AGMO: variants seen among roughly 807,000 people sequenced by gnomAD.
AGMO encodes glyceryl-ether monooxygenase.
AGMO carries 75 observed loss-of-function variants against 60.2 expected under a neutral mutation model. The ratio of observed to expected loss-of-function variants is 1.25; its 90% CI spans 1.03 to 1.51. The LOEUF (loss-of-function observed/expected upper bound fraction) is 1.51, where lower values mean the gene tolerates loss of function less well. AGMO is among the 40% of genes most tolerant of loss of function. The probability of loss-of-function intolerance (pLI) is 0.00; values close to 1 mark genes in which losing one functional copy is unlikely to be tolerated. For missense variants in AGMO, 763 were observed against 525.5 expected (o/e 1.45, Z -4.42); for synonymous variants, 261 against 177.1 (o/e 1.47, Z -3.76).
At chr7:15,216,567 G>A (rs992336173) in intron 12 of AGMO, among the ~76,000 whole-genome samples, 5 of 151,854 alleles carry the variant, frequency 3.3e-5, no homozygotes, top group Non-Finnish European at 5.9e-5. Context: ...TAGTAGTAAT[G>A]AAAAGATTAA....
intron 8 of AGMO, 83 bp from the exon 9 acceptor site, chr7:15,387,623 T>C (rs773575875): frequency 2.3e-6 from 3 of 1,277,020 alleles, no homozygotes; most frequent in Non-Finnish European, 3.2e-6. Context: ...ATTATTTTAT[T>C]GTTCAAGGTA....
chr7:15,265,232 T>C lies in AGMO; in HGVS notation c.1264-63873A>G, dbSNP rs190410852. 5.5e-3 allele frequency among the ~76,000 whole-genome samples: 834 copies of C among 152,086 alleles called. 4 individuals carry two copies. Among genetic ancestry groups the C allele is most frequent in the African/African-American group, 0.019 (777 of 41,482 alleles). ...TCACTTACAAGTGGGAGCTAAACAT[T>C]GAATACACATGAACATAAAGATGGA... On this transcript the variant is annotated intron_variant, in intron 12 of 12. Transcript: ENST00000342526.
rs148583725 is a variant in AGMO, at chr7:15,414,406, A to G, written c.609+4152T>C. On this transcript the variant is annotated intron_variant, in intron 5 of 12. Transcript: ENST00000342526. ...TTACTATAAAAGTCTTACATTTATG[A>G]TAAGTATTATATTAATTCAAGGTAA... Among the ~76,000 whole-genome samples, 540 of 152,218 alleles carry G rather than the reference A, an allele frequency of 3.5e-3. 4 individuals carry two copies. Among genetic ancestry groups the G allele is most frequent in the Middle Eastern group, 0.017 (5 of 294 alleles).
At chr7:15,198,636 T>A (rs1019966916), downstream of AGMO, among the ~76,000 whole-genome samples, 4 of 152,194 alleles carry the variant, frequency 2.6e-5, no homozygotes, top group East Asian at 5.8e-4. Flanking sequence ...GAGACTGGGT[T>A]TTTTAAGGAT....
intron 5 of AGMO, among the ~76,000 whole-genome samples, chr7:15,397,662 A>G (rs1784448749): frequency 6.6e-6 from 1 of 151,930 alleles, no homozygotes. Flanking sequence ...CTGGGGTGCT[A>G]TCCACTATTT....
the AGMO span, among the ~76,000 whole-genome samples, chr7:15,193,677 A>C: frequency 6.6e-6 from 1 of 152,152 alleles, no homozygotes; most frequent in African/African-American, 2.4e-5. Flanking sequence ...AAGTTTTGTC[A>C]ATCTTTACTG....
At chr7:15,480,320 T>A (rs570342379) in intron 3 of AGMO, among the ~76,000 whole-genome samples, 1 of 152,182 alleles carries the variant, frequency 6.6e-6, no homozygotes, top group African/African-American at 2.4e-5. Flanking sequence ...GAGAGTCTTA[T>A]GATTAATGCA....
At chr7:15,350,052 CTT>C (rs567650176) in intron 12 of AGMO, among the ~76,000 whole-genome samples, 86 of 152,286 alleles carry the variant, frequency 5.6e-4, no homozygotes, top group African/African-American at 1.9e-3. Context: ...TGATTATTCT[CTT>C]GATTTCACAA....
chr7:15,212,519 T>C (rs1488146553), intron 12 of AGMO, among the ~76,000 whole-genome samples: 1 of 151,976 alleles, frequency 6.6e-6, no homozygotes, highest in Non-Finnish European at 1.5e-5. Context: ...GAATTATCTT[T>C]ATAATGTTGT....
chr7:15,365,480 C>G (rs1277785682), intron 12 of AGMO, 34 bp downstream of exon 12: 2 of 1,423,340 alleles, frequency 1.4e-6, no homozygotes, highest in East Asian at 2.4e-5. Flanking sequence ...GATAGGTATA[C>G]GCCATCCTGT....
intron 12 of AGMO, among the ~76,000 whole-genome samples, chr7:15,354,635 A>G (rs1002737925): frequency 6.8e-6 from 1 of 146,598 alleles, no homozygotes; most frequent in Non-Finnish European, 1.5e-5. Flanking sequence ...TATTCTAAAA[A>G]TATTCATAAG....
the AGMO span, among the ~76,000 whole-genome samples, chr7:15,134,694 G>C: frequency 6.6e-6 from 1 of 152,110 alleles, no homozygotes; most frequent in Non-Finnish European, 1.5e-5. Context: ...TCTTTATCTG[G>C]TCTACCTTTG....
chr7:15,494,780 C>T (rs1251953658), intron 3 of AGMO, among the ~76,000 whole-genome samples: 1 of 152,180 alleles, frequency 6.6e-6, no homozygotes, highest in Non-Finnish European at 1.5e-5. Context: ...GAAATACAGA[C>T]ACAATTTACC....
chr7:15,198,740 C>G (rs962850917), downstream of AGMO, among the ~76,000 whole-genome samples: 6 of 151,952 alleles, frequency 3.9e-5, 1 homozygote, highest in Admixed American at 3.9e-4. Context: ...TTGGCTGAGT[C>G]AGTTCTTGGG....
intron 4 of AGMO, 118 bp from the exon 5 acceptor site, chr7:15,418,771 T>C (rs948545556): frequency 3.2e-6 from 2 of 616,890 alleles, no homozygotes; most frequent in Admixed American, 7.7e-5. Context: ...CTATATACTG[T>C]ATATTTTATT....
chr7:15,135,835 T>G, the AGMO span, among the ~76,000 whole-genome samples: 1 of 151,878 alleles, frequency 6.6e-6, no homozygotes, highest in Admixed American at 6.6e-5. Flanking sequence ...TTTTTTTTCC[T>G]TTTACTTTCC....
the AGMO span, among the ~76,000 whole-genome samples, chr7:15,117,637 C>T: frequency 1.3e-5 from 2 of 151,668 alleles, no homozygotes; most frequent in South Asian, 2.1e-4. Context: ...CCTATAATAC[C>T]CATGTAACAA....
chr7:15,390,836 T>C lies in AGMO; in HGVS notation c.742+4A>G. ...ATTTTTTGATTTTAATACATTTTAC[T>C]TACCAAAAATTTTATCCCAAATAAT... On this transcript the variant is annotated splice_donor_region_variant and intron_variant, in intron 7 of 12. Coordinates refer to ENST00000342526, the MANE Select transcript of AGMO (RefSeq NM_001004320.2). 6.2e-7 allele frequency: 1 copy of C among 1,601,154 alleles called. No individual in the cohort carries two copies. The highest frequency in any genetic ancestry group is 1.7e-5 in the Admixed American group (1 of 59,564).
intron 3 of AGMO, among the ~76,000 whole-genome samples, chr7:15,466,381 A>G (rs1248132726): frequency 6.6e-6 from 1 of 152,184 alleles, no homozygotes; most frequent in East Asian, 1.9e-4. Flanking sequence ...GAAGACAAGC[A>G]TTAATTTAAT....
Sources: gnomAD v4.1 joint callset for allele counts (sites outside exome capture counted in the v4.1 genomes callset) on GRCh38, gnomAD v4.1.1 for gene constraint, MANE v1.5 for transcripts, NCBI Gene and HGNC (gene_info 2026-07-23, HGNC 2026-07-21) for gene names.